SLC22A4: variants seen among roughly 807,000 people sequenced by gnomAD.
SLC22A4 encodes the protein solute carrier family 22 member 4.
A neutral mutation model predicts 56.6 loss-of-function variants in SLC22A4; 39 were observed. The ratio of observed to expected loss-of-function variants is 0.69; its 90% CI spans 0.53 to 0.90. SLC22A4 has a LOEUF of 0.90. Among genes scored for constraint, SLC22A4 ranks in the 40% least tolerant of loss-of-function variants. The probability of loss-of-function intolerance (pLI) is 0.00; values close to 1 mark genes in which losing one functional copy is unlikely to be tolerated. For synonymous variants in SLC22A4, 241 were observed against 281.4 expected, an observed-to-expected ratio of 0.86 and a Z score of 1.44; for missense variants, 594 against 696.5, an observed-to-expected ratio of 0.85 and a Z score of 1.66.
At chr5:132,302,951 C>T (rs928419109) in intron 1 of SLC22A4, among the ~76,000 whole-genome samples, 3 of 152,214 alleles carry the variant, frequency 2.0e-5, no homozygotes, top group African/African-American at 4.8e-5. Flanking sequence ...CATTTTAAGG[C>T]TTAGCAGCCT....
rs752394406 is a variant in SLC22A4, at chr5:132,335,928, A to C, written c.1372A>C (p.Asn458His). 6.2e-7 allele frequency: 1 copy of C among 1,614,176 alleles called. No individual in the cohort carries two copies. The highest frequency in any genetic ancestry group is 8.5e-7 in the Non-Finnish European group (1 of 1,180,034). ...TGAGCTCTACCCAACCCTGGTCAGG[A>C]ACATGGCGGTGGGGGTCACATCCAC... is the stretch of plus-strand genomic sequence containing the variant. Reference protein sequence around the residue: ...TAELYPTLVRNMAVGVTSTAS... With the variant: ...TAELYPTLVRHMAVGVTSTAS... Residue 458 changes from asparagine to histidine, a missense_variant, in exon 8 of 10, where the codon AAC (asparagine) becomes CAC (histidine). By Grantham distance (68) the Asn-to-His change is moderately conservative (BLOSUM62 1). Transcript: ENST00000200652.
intron 6 of SLC22A4, 144 bp downstream of exon 6, chr5:132,331,994 C>G (rs1360874984): frequency 1.4e-6 from 1 of 693,074 alleles, no homozygotes; most frequent in Non-Finnish European, 2.6e-6. Context: ...TTTTGAAATG[C>G]CTCTATTCAG....
At chr5:132,295,641 CT>C (rs1749763125) in intron 1 of SLC22A4, 1 of 248,112 alleles carries the variant, frequency 4.0e-6, no homozygotes, top group South Asian at 4.4e-5. Flanking sequence ...CAGGCAGGGG[CT>C]GTAGCCCCTC....
chr5:132,330,682 C>T (rs1327638761), intron 5 of SLC22A4, among the ~76,000 whole-genome samples: 1 of 151,992 alleles, frequency 6.6e-6, no homozygotes, highest in Non-Finnish European at 1.5e-5. Context: ...GCTGAGATCG[C>T]GCCACTGTAC....
intron 1 of SLC22A4, among the ~76,000 whole-genome samples, chr5:132,301,876 A>G (rs1248937061): frequency 6.6e-6 from 1 of 152,106 alleles, no homozygotes; most frequent in Non-Finnish European, 1.5e-5. Context: ...GGGTGTGGAG[A>G]CTGTCAAGAT....
intron 8 of SLC22A4, among the ~76,000 whole-genome samples, chr5:132,336,264 A>G (rs1360148372): frequency 6.6e-6 from 1 of 152,102 alleles, no homozygotes; most frequent in Non-Finnish European, 1.5e-5. Context: ...TGGCTCATGC[A>G]TGTAATCCCA....
intron 8 of SLC22A4, 34 bp downstream of exon 8, chr5:132,336,034 A>C: frequency 1.9e-6 from 3 of 1,596,958 alleles, no homozygotes; most frequent in South Asian, 1.1e-5. Context: ...TTCTTCCTTT[A>C]AATTAGTTTT....
rs945677607 is a variant in SLC22A4 at position 132,336,012 on chromosome 5, C to T, written c.1444+12C>T. 6.2e-5 allele frequency: 100 copies of T among 1,611,924 alleles called. No individual in the cohort carries two copies. In the Admixed American group the frequency reaches 1.6e-3, roughly 26 times the overall value. On this transcript the variant is annotated intron_variant, in intron 8 of 9. Transcript: ENST00000200652. The stretch of plus-strand genomic sequence containing the variant: ...CTTTGTTTACCTCGGTGAGCTGCAT[C>T]TTGTGCATTTGTTCTTCCTTTAAAT...
chr5:132,326,173 G>T (rs904683090), intron 4 of SLC22A4, among the ~76,000 whole-genome samples: 9 of 152,076 alleles, frequency 5.9e-5, no homozygotes, highest in African/African-American at 2.2e-4. Flanking sequence ...TCTTTCCTGG[G>T]CAAAGCCAAG....
At chr5:132,298,897 C>G (rs1348726097) in intron 1 of SLC22A4, among the ~76,000 whole-genome samples, 2 of 152,188 alleles carry the variant, frequency 1.3e-5, no homozygotes, top group Admixed American at 1.3e-4. Flanking sequence ...GGTGATGGGA[C>G]TTGCTGGAGG....
At chr5:132,336,137 A>G (rs1479318630) in intron 8 of SLC22A4, 137 bp downstream of exon 8, 4 of 854,734 alleles carry the variant, frequency 4.7e-6, no homozygotes, top group South Asian at 3.0e-5. Flanking sequence ...TCCCAGGAGG[A>G]GCTCTAGAAA....
chr5:132,335,854 G>GA lies in SLC22A4; in HGVS notation c.1302dup (p.Phe435IlefsTer16), dbSNP rs1369077901. 1 of 1,614,104 alleles carries GA rather than the reference G, an allele frequency of 6.2e-7. No individual in the cohort carries two copies. Among genetic ancestry groups the GA allele is most frequent in the South Asian group, 1.1e-5 (1 of 91,082 alleles). ...TTATCCATTGGTCTGGTCATGCTGG[G>GA]AAAATTTGGGATCACCTCTGCTTTC... On this transcript the variant is annotated frameshift_variant, in exon 8 of 10. Transcript: ENST00000200652. LOFTEE classifies it high-confidence loss of function.
At chr5:132,334,441 C>CCTATT (rs547706975) in intron 6 of SLC22A4, among the ~76,000 whole-genome samples, 466 of 152,260 alleles carry the variant, frequency 3.1e-3, no homozygotes, top group Middle Eastern at 0.017. Context: ...CTAGCACTGT[C>CCTATT]CAATAGAACT....
chr5:132,338,470 C>A (rs1265664105), intron 8 of SLC22A4, among the ~76,000 whole-genome samples: 3 of 152,184 alleles, frequency 2.0e-5, no homozygotes, highest in African/African-American at 7.2e-5. Flanking sequence ...TGAGAGCAGA[C>A]AACCGGTCTG....
chr5:132,341,116 C>CA (rs1288344232), intron 9 of SLC22A4, among the ~76,000 whole-genome samples: 2 of 148,444 alleles, frequency 1.3e-5, no homozygotes, highest in African/African-American at 2.5e-5. Flanking sequence ...AACTCCGTCT[C>CA]AAAAAAAATA....
intron 6 of SLC22A4, 62 bp downstream of exon 6, chr5:132,331,912 T>A: frequency 9.7e-7 from 1 of 1,035,404 alleles, no homozygotes; most frequent in Non-Finnish European, 1.5e-6. Context: ...CTGATTTTCT[T>A]AACTCAGAGG....
chr5:132,326,789 C>A (rs1015555089), intron 4 of SLC22A4, among the ~76,000 whole-genome samples: 2 of 152,244 alleles, frequency 1.3e-5, no homozygotes, highest in Non-Finnish European at 2.9e-5. Context: ...CCCTCACTTT[C>A]TCTTTTGACT....
intron 6 of SLC22A4, among the ~76,000 whole-genome samples, chr5:132,333,153 C>A (rs1346762610): frequency 6.6e-6 from 1 of 152,126 alleles, no homozygotes; most frequent in Non-Finnish European, 1.5e-5. Flanking sequence ...TTTCAGATAT[C>A]CTCTGCTTCT....
chr5:132,310,823 A>G (rs3805667), intron 1 of SLC22A4, among the ~76,000 whole-genome samples: 11,145 of 152,224 alleles, frequency 0.073, 545 homozygotes, highest in East Asian at 0.27. Context: ...GCGAATAAGC[A>G]GACTACTTCG....
Sources: allele counts gnomAD v4.1 joint callset (sites outside exome capture counted in the v4.1 genomes callset), GRCh38; gene constraint gnomAD v4.1.1; transcripts MANE v1.5; gene names NCBI Gene and HGNC (gene_info 2026-07-23, HGNC 2026-07-21).